NT5DC2: variants seen among roughly 807,000 people sequenced by gnomAD.
NT5DC2 encodes 5'-nucleotidase domain-containing protein 2.
In NT5DC2, 41 loss-of-function variants were observed where a neutral mutation model predicts 70.0. That is an observed-to-expected ratio of 0.59 (90% CI 0.46 to 0.76). The LOEUF (loss-of-function observed/expected upper bound fraction) is 0.76, where lower values mean the gene tolerates loss of function less well. Ranked by LOEUF, NT5DC2 falls within the 30% of genes least tolerant of loss-of-function variation. NT5DC2 has a pLI of 0.00. For missense variants in NT5DC2, 705 were observed against 783.2 expected, an observed-to-expected ratio of 0.90 and a Z score of 1.19; for synonymous variants, 299 against 310.4, an observed-to-expected ratio of 0.96 and a Z score of 0.39.
At chr3:52,534,369 G>A (rs2153249089), upstream of NT5DC2, 1 of 1,109,590 alleles carries the variant, frequency 9.0e-7, no homozygotes, top group Middle Eastern at 2.5e-4. Context: ...CAAATAAAGA[G>A]CCCTTCCCGC....
chr3:52,527,438 C>T, intron 9 of NT5DC2, 63 bp from the exon 10 acceptor site: 1 of 1,565,830 alleles, frequency 6.4e-7, no homozygotes, highest in African/African-American at 1.3e-5. Context: ...GGGCAACCCC[C>T]ATCCCTCCTC....
chr3:52,525,255 CCACGCCATTCCGT>C lies in NT5DC2; in HGVS notation c.1147_1159del (p.Thr383AlafsTer49). 6.2e-7 allele frequency: 1 copy of C among 1,612,826 alleles called. No individual in the cohort carries two copies. Among genetic ancestry groups the C allele is most frequent in the Non-Finnish European group, 8.5e-7 (1 of 1,179,952 alleles). ...GTCCCCGAAGTAGAGCACGCGGGGG[CCACGCCATTCCGT>C]CAAGCGTAAGAAGTCAAACAGGTTT... On this transcript the variant is annotated frameshift_variant, in exon 11 of 14. Transcript: ENST00000422318. LOFTEE classifies it high-confidence loss of function.
At chr3:52,534,346 C>T (rs922738834), upstream of NT5DC2, 12 of 914,020 alleles carry the variant, frequency 1.3e-5, no homozygotes, top group African/African-American at 1.3e-4. Context: ...GGCCAGTCCA[C>T]TCACTGGTCT....
In NT5DC2 at chr3:52,528,207, T is replaced by C. The variant is rs755482905; in HGVS notation, c.747A>G (p.Gln249=). 6.2e-7 allele frequency: 1 copy of C among 1,613,310 alleles called. No homozygotes were observed. Among genetic ancestry groups the C allele is most frequent in the Non-Finnish European group, 8.5e-7 (1 of 1,180,032 alleles). ...YFLGHSLEFD[Q]AHLYKDVTDA... ...CCGTCACGTCCTTGTAGAGATGTGCTTGGTCAAACTCCAGGCTGTGGCCCA... is the reference window on the plus strand; with the variant it reads ...CCGTCACGTCCTTGTAGAGATGTGCCTGGTCAAACTCCAGGCTGTGGCCCA... The change falls in exon 6 of 14, where the codon CAA becomes CAG. Residue 249 remains glutamine, a synonymous_variant. Coordinates refer to ENST00000422318, the MANE Select transcript of NT5DC2 (RefSeq NM_001134231.2).
chr3:52,527,740 G>A (rs1345029355), intron 8 of NT5DC2, 22 bp from the exon 9 acceptor site: 2 of 1,612,848 alleles, frequency 1.2e-6, no homozygotes, highest in Non-Finnish European at 1.7e-6. Context: ...AGTTTCAGGT[G>A]GCAAGTAGTC....
rs372278047 is a variant in NT5DC2, at chr3:52,529,009, G to T, written c.418-74C>A. The T allele has an allele frequency of 4.5e-4, 711 of 1,592,646 alleles. 11 individuals are homozygous for T. In the South Asian group the frequency reaches 7.5e-3, roughly 17 times the overall value. ...GCTGGCTGGGTGGCCACCCCAGGGGGTCAATCCAGCCACCTGCCCAGGGCA... is the reference window on the plus strand; with the variant it reads ...GCTGGCTGGGTGGCCACCCCAGGGGTTCAATCCAGCCACCTGCCCAGGGCA... On this transcript the variant is annotated intron_variant, in intron 2 of 13. Coordinates refer to ENST00000422318, the MANE Select transcript of NT5DC2 (RefSeq NM_001134231.2). The surrounding 1 kb of genome is among the most constrained non-coding windows in gnomAD (Gnocchi z 4.1).
chr3:52,527,151 G>T, intron 10 of NT5DC2, 143 bp downstream of exon 10: 1 of 731,112 alleles, frequency 1.4e-6, no homozygotes, highest in Non-Finnish European at 2.3e-6. Flanking sequence ...ACCCAGACCT[G>T]CTCCCTGCCA....
rs201963022 is a variant in NT5DC2 at position 52,525,068 on chromosome 3, G to A, written c.1242C>T (p.Ala414=). Residue 414 remains alanine (A), a synonymous_variant, in exon 12 of 14, where the codon GCC becomes GCT. Transcript: ENST00000422318. ...LMLRHGWRTG[A]IIPELEREIR... ...TCTCACGCTCCAGCTCGGGGATGATGGCGCCTGTGCGCCAGCCGTGCCGCA... is the reference window on the plus strand; with the variant it reads ...TCTCACGCTCCAGCTCGGGGATGATAGCGCCTGTGCGCCAGCCGTGCCGCA... 1.4e-4 allele frequency: 227 copies of A among 1,579,266 alleles called. 1 individual carries two copies. The East Asian group carries it at 2.1e-3, about 14-fold the overall frequency.
At chr3:52,526,953 G>A (rs929758471) in intron 10 of NT5DC2, among the ~76,000 whole-genome samples, 6 of 152,174 alleles carry the variant, frequency 3.9e-5, no homozygotes, top group East Asian at 1.9e-4. Flanking sequence ...CATGAGCCAC[G>A]GTGCCTGGCG....
At chr3:52,528,829 G>C in intron 3 of NT5DC2, 32 bp downstream of exon 3, 1 of 1,610,732 alleles carries the variant, frequency 6.2e-7, no homozygotes, top group Non-Finnish European at 8.5e-7. Context: ...GGAGGCCAAG[G>C]AGGGAGCCCC....
chr3:52,527,957 G>C, intron 7 of NT5DC2, 26 bp from the exon 8 acceptor site: 1 of 1,613,332 alleles, frequency 6.2e-7, no homozygotes, highest in East Asian at 2.2e-5. Context: ...AGTCTGTGAG[G>C]GTCAGTCCTG....
chr3:52,532,898 C>A (rs7614981), intron 1 of NT5DC2, among the ~76,000 whole-genome samples: 76,704 of 151,942 alleles, frequency 0.5, 19,796 homozygotes, highest in Admixed American at 0.59. Context: ...CACGCCATTT[C>A]TCAGAGGGAG....
chr3:52,533,680 C>T lies in NT5DC2; in HGVS notation c.58G>A (p.Gly20Ser), dbSNP rs1192004914. 4.5e-6 allele frequency: 5 copies of T among 1,106,072 alleles called. No homozygotes were observed. The allele number at this position is 1,106,072 out of a possible 1,614,324, so 68.5% of individuals were successfully genotyped here. The change falls in exon 1 of 14, where the codon GGC (glycine) becomes AGC (serine). Residue 20 changes from glycine to serine, a missense_variant. By Grantham distance (56) the Gly-to-Ser change is moderately conservative (BLOSUM62 0). Transcript: ENST00000422318. The part of the protein sequence containing the change: ...ARRWLLCGGH[G>S]GPRAASSSPS... ...GAGGACGAGGCGGCTCGCGGCCCGC[C>T]GTGGCCTCCGCACAGCAGCCAGCGC...
At position 52,524,951 on chromosome 3, in the gene NT5DC2, C is replaced by T. The variant is rs2079226429; in HGVS notation, c.1347+12G>A. On this transcript the variant is annotated intron_variant, in intron 12 of 13. Coordinates refer to ENST00000422318, the MANE Select transcript of NT5DC2 (RefSeq NM_001134231.2). ...ACCGCCCTGGCCCTCCCACAGCCAC[C>T]CCGGCCCACACCTGCATGCGCTCCA... The T allele has an allele frequency of 6.2e-7, 1 of 1,612,242 alleles. No individual in the cohort carries two copies. Among genetic ancestry groups the T allele is most frequent in the Non-Finnish European group, 8.5e-7 (1 of 1,179,790 alleles).
At chr3:52,528,792 G>C (rs1299182422) in intron 3 of NT5DC2, 69 bp downstream of exon 3, 3 of 1,599,902 alleles carry the variant, frequency 1.9e-6, no homozygotes, top group Non-Finnish European at 2.6e-6. Context: ...AGCTGGATGG[G>C]ACGGAGGGGT....
At position 52,524,448 on chromosome 3, in the gene NT5DC2, G is replaced by A. The variant is rs139183709; in HGVS notation, c.*22C>T. On this transcript the variant is annotated 3_prime_UTR_variant, in exon 14 of 14. Transcript: ENST00000422318. ...ATGGGGCAGGAGGGGCTGAGGGCCT[G>A]TCCCAGACAATAAAGGTGCCCTCAG... The A allele has an allele frequency of 1.9e-5, 31 of 1,612,542 alleles. No homozygotes were observed. In the African/African-American group the frequency reaches 3.6e-4, roughly 19 times the overall value.
At chr3:52,527,272 G>A in intron 10 of NT5DC2, 22 bp downstream of exon 10, 1 of 1,611,408 alleles carries the variant, frequency 6.2e-7, no homozygotes, top group East Asian at 2.2e-5. Context: ...ACCACATGCT[G>A]CTCTCCCCAG....
chr3:52,534,338 C>G (rs1463154224), upstream of NT5DC2: 1 of 846,006 alleles, frequency 1.2e-6, no homozygotes, highest in Admixed American at 2.1e-5. Flanking sequence ...AGAGCCCGGG[C>G]CAGTCCACTC....
upstream of NT5DC2, chr3:52,534,094 C>G: frequency 3.8e-6 from 1 of 263,490 alleles, no homozygotes; most frequent in South Asian, 3.7e-5. Flanking sequence ...AGCGGCCGTC[C>G]CTGAGAGGCT....
Sources: gnomAD v4.1 joint callset for allele counts (sites outside exome capture counted in the v4.1 genomes callset) on GRCh38, gnomAD v4.1.1 for gene constraint, Gnocchi (gnomAD v3.1) non-coding constraint, MANE v1.5 for transcripts, NCBI Gene and HGNC (gene_info 2026-07-23, HGNC 2026-07-21) for gene names.